KIF2A: variants seen among roughly 807,000 people sequenced by gnomAD.
KIF2A encodes the protein kinesin-like protein KIF2A.
KIF2A carries 22 observed loss-of-function variants against 100.2 expected under a neutral mutation model. That is an observed-to-expected ratio of 0.22 (90% CI 0.16 to 0.31). The LOEUF (loss-of-function observed/expected upper bound fraction) is 0.31. Ranked by LOEUF, KIF2A falls within the 10% of genes least tolerant of loss-of-function variation. The pLI, the probability that KIF2A is intolerant of heterozygous loss-of-function variation, is 1.00. For synonymous variants in KIF2A, 268 were observed against 285.9 expected, an observed-to-expected ratio of 0.94 and a Z score of 0.63; for missense variants, 495 against 898.7, an observed-to-expected ratio of 0.55 and a Z score of 5.74.
Position 62,385,699 on chromosome 5 carries a change from T to C in KIF2A, c.*130T>C, listed in dbSNP as rs1741993668. On this transcript the variant is annotated 3_prime_UTR_variant, in exon 21 of 21. Coordinates refer to ENST00000407818, the MANE Select transcript of KIF2A (RefSeq NM_001098511.3). ...AAAATGTTTTGTCCTTCACCTGAAT[T>C]ACATTTCAATTTTGTGAAACACTCT... is the stretch of plus-strand genomic sequence containing the variant. The C allele has an allele frequency of 3.2e-6, 2 of 628,196 alleles. No homozygotes were observed. The highest frequency in any genetic ancestry group is 4.4e-5 in the South Asian group (2 of 45,142). 38.9% of individuals were successfully genotyped at this position (628,196 alleles called of 1,614,324 possible).
intron 1 of KIF2A, among the ~76,000 whole-genome samples, chr5:62,336,153 C>T (rs758127239): frequency 1.7e-4 from 26 of 152,104 alleles, no homozygotes; most frequent in Non-Finnish European, 3.7e-4. Context: ...AACAGGAATT[C>T]TAAGAGATGG....
At chr5:62,379,198 T>A (rs905962915) in intron 19 of KIF2A, among the ~76,000 whole-genome samples, 1 of 152,220 alleles carries the variant, frequency 6.6e-6, no homozygotes, top group South Asian at 2.1e-4. Context: ...TGCCATTTTT[T>A]AGATAAAATC....
intron 18 of KIF2A, among the ~76,000 whole-genome samples, chr5:62,375,810 G>C (rs1741516703): frequency 6.6e-6 from 1 of 152,218 alleles, no homozygotes; most frequent in African/African-American, 2.4e-5. Context: ...ATAGTGGGTA[G>C]AGCCAGGAAT....
In KIF2A at chr5:62,387,911, A is replaced by T. The variant is rs1020346886; in HGVS notation, c.*2342A>T. 2.0e-5 allele frequency: 3 copies of T among 152,094 alleles called. No individual in the cohort carries two copies. Among genetic ancestry groups the T allele is most frequent in the Admixed American group, 2.0e-4 (3 of 15,272 alleles). The allele number at this position is 152,094 out of a possible 1,614,324, so 9.4% of individuals were successfully genotyped here. A position where few individuals can be genotyped will look rare whatever the true frequency, so the allele number is the denominator to read the frequency against. ...AATCTGGCTTTGTTAAATTAATTGG[A>T]AACACTCTTCTATTAAGTTAGGTAT... On this transcript the variant is annotated 3_prime_UTR_variant, in exon 21 of 21. Coordinates refer to ENST00000407818, the MANE Select transcript of KIF2A (RefSeq NM_001098511.3).
chr5:62,380,022 A>G (rs1420715904), intron 19 of KIF2A, among the ~76,000 whole-genome samples: 1 of 152,058 alleles, frequency 6.6e-6, no homozygotes, highest in Non-Finnish European at 1.5e-5. Context: ...CTCCCAAGTA[A>G]CTGGGATTGC....
chr5:62,324,808 T>C (rs1315025055), intron 1 of KIF2A, among the ~76,000 whole-genome samples: 1 of 151,618 alleles, frequency 6.6e-6, no homozygotes, highest in Non-Finnish European at 1.5e-5. Flanking sequence ...TATCAAAGAA[T>C]GTATGACCAA....
At position 62,381,017 on chromosome 5, in the gene KIF2A, G is replaced by T. The variant is rs1055976179; in HGVS notation, c.2014-101G>T. Reference sequence around the variant, plus strand: ...GTTTTATGTCTATTGACATTTTAGAGAATACTATCTTAAGTATGTTTGATT... The same window carrying T: ...GTTTTATGTCTATTGACATTTTAGATAATACTATCTTAAGTATGTTTGATT... On this transcript the variant is annotated intron_variant, in intron 19 of 20. Coordinates refer to ENST00000407818, the MANE Select transcript of KIF2A (RefSeq NM_001098511.3). 4 of 838,126 alleles carry T rather than the reference G, an allele frequency of 4.8e-6. No individual in the cohort carries two copies. In the African/African-American group the frequency reaches 5.3e-5, roughly 11 times the overall value. 51.9% of individuals were successfully genotyped at this position (838,126 alleles called of 1,614,324 possible).
intron 1 of KIF2A, among the ~76,000 whole-genome samples, chr5:62,313,880 G>C (rs1745676239): frequency 6.6e-6 from 1 of 151,918 alleles, no homozygotes; most frequent in Non-Finnish European, 1.5e-5. Context: ...CAGCCTCCAA[G>C]TCCTGGACTC....
intron 20 of KIF2A, among the ~76,000 whole-genome samples, chr5:62,382,360 G>A (rs1741804696): frequency 6.6e-6 from 1 of 152,128 alleles, no homozygotes; most frequent in Admixed American, 6.6e-5. Flanking sequence ...AGGATCACTT[G>A]ATCCCAGGAG....
intron 1 of KIF2A, among the ~76,000 whole-genome samples, chr5:62,324,038 AAAAT>A (rs1416200458): frequency 2.0e-5 from 3 of 150,454 alleles, no homozygotes; most frequent in Admixed American, 1.3e-4. Context: ...TGTCTCAAAA[AAAAT>A]AAAATAAATA....
chr5:62,321,037 A>G (rs1746067070), intron 1 of KIF2A, among the ~76,000 whole-genome samples: 1 of 152,238 alleles, frequency 6.6e-6, no homozygotes, highest in East Asian at 1.9e-4. Flanking sequence ...TGTACAATAC[A>G]TAGCCTTTAG....
chr5:62,352,625 T>C lies in KIF2A; in HGVS notation c.372T>C (p.Pro124=), dbSNP rs1185113166. The change falls in exon 5 of 21, where the codon CCT becomes CCC. Residue 124 remains proline, a synonymous_variant. Transcript: ENST00000407818. ...CACGTGCACGGCCCAGTCAATTTCCTGAACAGTCTTCCTCTGCACAACAGA... is the reference window on the plus strand; with the variant it reads ...CACGTGCACGGCCCAGTCAATTTCCCGAACAGTCTTCCTCTGCACAACAGA... ...GSARARPSQF[P]EQSSSAQQNG... The C allele has an allele frequency of 6.2e-7, 1 of 1,601,364 alleles. No individual in the cohort carries two copies. The highest frequency in any genetic ancestry group is 1.7e-5 in the Admixed American group (1 of 57,752).
In KIF2A at chr5:62,390,628, C is replaced by T. The variant is rs1742262843; in HGVS notation, c.*5059C>T. 2.0e-5 allele frequency among the ~76,000 whole-genome samples: 3 copies of T among 152,162 alleles called. No homozygotes were observed. Among genetic ancestry groups the T allele is most frequent in the Admixed American group, 2.0e-4 (3 of 15,268 alleles). On this transcript the variant is annotated 3_prime_UTR_variant, in exon 21 of 21. Transcript: ENST00000407818. The stretch of plus-strand genomic sequence containing the variant: ...TGCACACCACATTGGAACCTGCACA[C>T]CACATTAACACAAAGGCAATCTTCT...
intron 11 of KIF2A, among the ~76,000 whole-genome samples, chr5:62,362,092 GT>G (rs1260798137): frequency 1.3e-5 from 2 of 151,396 alleles, no homozygotes; most frequent in African/African-American, 4.9e-5. Flanking sequence ...GATTATATTT[GT>G]CAGTGCATTC....
At position 62,357,758 on chromosome 5, in the gene KIF2A, A is replaced by G. The variant is rs768889692; in HGVS notation, c.709+13A>G. Reference sequence around the variant, plus strand: ...CTCAATAAAAAAGGTATGGCACTTAATGAGCTCTAATAAAAGATTGATTTT... The same window carrying G: ...CTCAATAAAAAAGGTATGGCACTTAGTGAGCTCTAATAAAAGATTGATTTT... On this transcript the variant is annotated intron_variant, in intron 8 of 20. Coordinates refer to ENST00000407818, the MANE Select transcript of KIF2A (RefSeq NM_001098511.3). 3.5e-6 allele frequency: 5 copies of G among 1,430,094 alleles called. No individual in the cohort carries two copies. In the South Asian group the frequency reaches 5.9e-5, roughly 17 times the overall value. 88.6% of individuals were successfully genotyped at this position (1,430,094 alleles called of 1,614,324 possible).
rs765801970 is a variant in KIF2A, at chr5:62,306,479, A to G, written c.7A>G (p.Thr3Ala). Reference protein sequence around the residue: MATANFGKIQIGI... With the variant: MAAANFGKIQIGI... Reference sequence around the variant, plus strand: ...TGCTGCTCCAGATGAGGTGATGGCAACGGCCAACTTCGGCAAGATCCAGAT... The same window carrying G: ...TGCTGCTCCAGATGAGGTGATGGCAGCGGCCAACTTCGGCAAGATCCAGAT... The change falls in exon 1 of 21, where the codon ACG becomes GCG. Residue 3 changes from threonine to alanine, a missense_variant. By Grantham distance (58) the Thr-to-Ala change is moderately conservative. Around this residue, in one of 10 missense-constraint regions of KIF2A, gnomAD observed 26 missense variants for 16.4 expected, o/e 1.59. Transcript: ENST00000407818. 2.3e-5 allele frequency: 35 copies of G among 1,545,166 alleles called. No individual in the cohort carries two copies. The highest frequency in any genetic ancestry group is 1.9e-4 in the African/African-American group (14 of 72,102).
At chr5:62,343,444 A>T (rs568454216) in intron 1 of KIF2A, among the ~76,000 whole-genome samples, 1 of 152,324 alleles carries the variant, frequency 6.6e-6, no homozygotes, top group East Asian at 1.9e-4. Flanking sequence ...TAGGAATCAG[A>T]CAATTAAAAA....
At chr5:62,366,562 T>G in intron 16 of KIF2A, 81 bp downstream of exon 16, 1 of 855,604 alleles carries the variant, frequency 1.2e-6, no homozygotes, top group Non-Finnish European at 1.9e-6. Context: ...CCTCGTGCGG[T>G]GGCTCACGCC....
At chr5:62,309,375 A>T (rs938273364) in intron 1 of KIF2A, among the ~76,000 whole-genome samples, 4 of 152,194 alleles carry the variant, frequency 2.6e-5, no homozygotes, top group African/African-American at 7.2e-5. Flanking sequence ...TGTGCCTCAG[A>T]TGCATGATGG....
Sources: allele counts gnomAD v4.1 joint callset (sites outside exome capture counted in the v4.1 genomes callset), GRCh38; gene constraint gnomAD v4.1.1; regional missense constraint gnomAD v4.1.1; transcripts MANE v1.5; gene names NCBI Gene and HGNC (gene_info 2026-07-23, HGNC 2026-07-21).